The following PMP22 variants were observed in gnomAD, a reference collection of about 807,000 sequenced individuals.
The protein encoded by PMP22 is peripheral myelin protein 22.
In PMP22, 2 loss-of-function variants were observed where a neutral mutation model predicts 18.9. That is an observed-to-expected ratio of 0.11 (90% CI 0.04 to 0.33). PMP22 has a LOEUF of 0.33. Ranked by LOEUF, PMP22 falls within the 10% of genes least tolerant of loss-of-function variation. PMP22 has a pLI of 1.00. For missense variants in PMP22, 169 were observed against 202.2 expected (o/e 0.84, Z 1.00); for synonymous variants, 95 against 89.2 (o/e 1.07, Z -0.37).
At chr17:15,234,680 C>A (rs1289994291) in intron 4 of PMP22, among the ~76,000 whole-genome samples, 2 of 152,106 alleles carry the variant, frequency 1.3e-5, no homozygotes, top group East Asian at 3.8e-4. Flanking sequence ...CTGATTTGGG[C>A]ATGGCCAGTG....
At chr17:15,251,061 C>T (rs981627227) in intron 3 of PMP22, among the ~76,000 whole-genome samples, 1 of 152,190 alleles carries the variant, frequency 6.6e-6, no homozygotes, top group Non-Finnish European at 1.5e-5. Context: ...GAGGCACCAG[C>T]GATCCTGCTC....
chr17:15,260,855 C>A (rs918901625), intron 1 of PMP22, 94 bp from the exon 2 acceptor site: 1 of 899,414 alleles, frequency 1.1e-6, no homozygotes, highest in South Asian at 1.4e-5. Flanking sequence ...GCGGAAGGCC[C>A]GGCCTGGCCC....
intron 4 of PMP22, among the ~76,000 whole-genome samples, chr17:15,238,737 AC>A (rs1907021044): frequency 6.6e-6 from 1 of 152,222 alleles, no homozygotes; most frequent in African/African-American, 2.4e-5. Context: ...GGAAGATGTC[AC>A]CCTGTGTAAC....
rs1187244951 is a variant in PMP22, at chr17:15,230,030, A to C, written c.*887T>G. 3.3e-5 allele frequency: 5 copies of C among 152,672 alleles called. No homozygotes were observed. Among genetic ancestry groups the C allele is most frequent in the Non-Finnish European group, 5.9e-5 (4 of 68,054 alleles). 9.5% of individuals were successfully genotyped at this position (152,672 alleles called of 1,614,324 possible). ...CGCTTGTTCTGATGCTCCGACCGTA[A>C]GAAAAATGTGGGAGTGATGAAGGCT... On this transcript the variant is annotated 3_prime_UTR_variant, in exon 5 of 5. Coordinates refer to ENST00000312280, the MANE Select transcript of PMP22 (RefSeq NM_000304.4).
intron 2 of PMP22, chr17:15,260,304 A>T (rs1909203265): frequency 6.0e-6 from 2 of 332,230 alleles, no homozygotes; most frequent in Admixed American, 4.1e-5. Flanking sequence ...GAGAAAAAAA[A>T]ATCATAAATA....
At chr17:15,235,477 A>C (rs1164639809) in intron 4 of PMP22, among the ~76,000 whole-genome samples, 2 of 152,208 alleles carry the variant, frequency 1.3e-5, no homozygotes, top group African/African-American at 4.8e-5. Flanking sequence ...AACCCAACAG[A>C]TCTTGTCAAG....
chr17:15,238,589 C>G (rs1211062586), intron 4 of PMP22, among the ~76,000 whole-genome samples: 1 of 152,182 alleles, frequency 6.6e-6, no homozygotes, highest in Non-Finnish European at 1.5e-5. Flanking sequence ...CTCCAATGCC[C>G]TGCTGGTTCA....
chr17:15,231,685 G>C lies in PMP22; in HGVS notation c.320-605C>G, dbSNP rs555007837. 2.6e-5 allele frequency among the ~76,000 whole-genome samples: 4 copies of C among 152,288 alleles called. No homozygotes were observed. In the South Asian group the frequency reaches 8.3e-4, roughly 32 times the overall value. ...GTGTGGAGAGGGAAAAAGAAAGTGAGGAATAAGGATGCAGCCGACAGTATG... is the reference window on the plus strand; with the variant it reads ...GTGTGGAGAGGGAAAAAGAAAGTGACGAATAAGGATGCAGCCGACAGTATG... On this transcript the variant is annotated intron_variant, in intron 4 of 4. Coordinates refer to ENST00000312280, the MANE Select transcript of PMP22 (RefSeq NM_000304.4).
intron 3 of PMP22, among the ~76,000 whole-genome samples, chr17:15,244,673 T>C (rs531336453): frequency 6.6e-6 from 1 of 152,220 alleles, no homozygotes; most frequent in African/African-American, 2.4e-5. Flanking sequence ...AAGAGTAAGG[T>C]GCACACACAA....
chr17:15,251,969 C>T (rs1244587575), intron 3 of PMP22, among the ~76,000 whole-genome samples: 1 of 152,092 alleles, frequency 6.6e-6, no homozygotes, highest in African/African-American at 2.4e-5. Context: ...GGGTTGAAAT[C>T]CTGGCATGTT....
intron 3 of PMP22, among the ~76,000 whole-genome samples, chr17:15,248,834 G>A (rs1288084252): frequency 2.0e-5 from 3 of 152,170 alleles, no homozygotes; most frequent in Non-Finnish European, 4.4e-5. Context: ...GATTTATCAG[G>A]AGACTTGTTT....
chr17:15,246,113 T>G (rs1907792924), intron 3 of PMP22, among the ~76,000 whole-genome samples: 1 of 152,204 alleles, frequency 6.6e-6, no homozygotes, highest in Non-Finnish European at 1.5e-5. Flanking sequence ...AGTGTTTTGA[T>G]ACAACTTTGG....
chr17:15,258,831 A>G lies in PMP22; in HGVS notation c.178+263T>C. 5 of 513,396 alleles carry G rather than the reference A, an allele frequency of 9.7e-6. No homozygotes were observed. The South Asian group carries it at 1.0e-4, about 10-fold the overall frequency. The allele number at this position is 513,396 out of a possible 1,614,324, so 31.8% of individuals were successfully genotyped here. A position where few individuals can be genotyped will look rare whatever the true frequency, so the allele number is the denominator to read the frequency against. On this transcript the variant is annotated intron_variant, in intron 3 of 4. Coordinates refer to ENST00000312280, the MANE Select transcript of PMP22 (RefSeq NM_000304.4). This position sits in a 1 kb window ranked among gnomAD's most constrained non-coding sequence, Gnocchi z 4.1. Reference sequence around the variant, plus strand: ...GGTCGATATTTTTTTCAATCACAAAAAGCATTATCCTAAGTGATCAGGAGG... The same window carrying G: ...GGTCGATATTTTTTTCAATCACAAAGAGCATTATCCTAAGTGATCAGGAGG...
Position 15,229,890 on chromosome 17 carries a change from A to T in PMP22, c.*1027T>A, listed in dbSNP as rs189748556. Reference sequence around the variant, plus strand: ...GGAGTCTTAGCATCAGAAGGGCACCATATATACATCTACAGTTGGTGGCCA... The same window carrying T: ...GGAGTCTTAGCATCAGAAGGGCACCTTATATACATCTACAGTTGGTGGCCA... On this transcript the variant is annotated 3_prime_UTR_variant, in exon 5 of 5. Coordinates refer to ENST00000312280, the MANE Select transcript of PMP22 (RefSeq NM_000304.4). 1 of 152,834 alleles carries T rather than the reference A, an allele frequency of 6.5e-6. No homozygotes were observed. The highest frequency in any genetic ancestry group is 1.9e-4 in the East Asian group (1 of 5,184). The allele number at this position is 152,834 out of a possible 1,614,324, so 9.5% of individuals were successfully genotyped here.
chr17:15,233,286 T>C (rs1404023410), intron 4 of PMP22, among the ~76,000 whole-genome samples: 1 of 152,232 alleles, frequency 6.6e-6, no homozygotes, highest in Non-Finnish European at 1.5e-5. Flanking sequence ...TCTTTGGCAA[T>C]GACCGGGACT....
At chr17:15,245,097 GA>G (rs1178154536) in intron 3 of PMP22, among the ~76,000 whole-genome samples, 1 of 151,556 alleles carries the variant, frequency 6.6e-6, no homozygotes, top group African/African-American at 2.4e-5. Context: ...ACAGCGAGAG[GA>G]AAAAAAACAG....
At chr17:15,254,535 C>T (rs1011150660) in intron 3 of PMP22, among the ~76,000 whole-genome samples, 2 of 152,110 alleles carry the variant, frequency 1.3e-5, no homozygotes, top group South Asian at 2.1e-4. Flanking sequence ...GTTGAATTGG[C>T]AGAGGAAGAT....
At chr17:15,234,101 T>A (rs2150668792) in intron 4 of PMP22, among the ~76,000 whole-genome samples, 1 of 152,162 alleles carries the variant, frequency 6.6e-6, no homozygotes, top group Admixed American at 6.5e-5. Context: ...GCACTGGGGT[T>A]AGTGAGTCAA....
At chr17:15,244,242 A>G (rs1220450011) in intron 3 of PMP22, among the ~76,000 whole-genome samples, 1 of 152,176 alleles carries the variant, frequency 6.6e-6, no homozygotes, top group African/African-American at 2.4e-5. Flanking sequence ...TCATCCAGCC[A>G]ATAGGCAAAA....
Sources: allele counts gnomAD v4.1 joint callset (sites outside exome capture counted in the v4.1 genomes callset), GRCh38; gene constraint gnomAD v4.1.1; non-coding constraint Gnocchi (gnomAD v3.1); transcripts MANE v1.5; gene names NCBI Gene and HGNC (gene_info 2026-07-23, HGNC 2026-07-21).